The following PHF10 variants were observed in gnomAD, a reference collection of about 807,000 sequenced individuals.
The protein encoded by PHF10 is PHD finger protein 10, also known as BRG1-associated factor 45a.
PHF10 carries 51 observed loss-of-function variants against 68.5 expected under a neutral mutation model. The ratio of observed to expected loss-of-function variants is 0.74; its 90% CI spans 0.59 to 0.94. The LOEUF (loss-of-function observed/expected upper bound fraction) is 0.94. Among genes scored for constraint, PHF10 ranks in the 40% least tolerant of loss-of-function variants. The pLI is 0.00. For synonymous variants in PHF10, 204 were observed against 203.5 expected, an observed-to-expected ratio of 1.00 and a Z score of -0.02; for missense variants, 460 against 602.6, an observed-to-expected ratio of 0.76 and a Z score of 2.48.
intron 2 of PHF10, among the ~76,000 whole-genome samples, chr6:169,719,668 T>C (rs1308357275): frequency 6.6e-6 from 1 of 152,150 alleles, no homozygotes; most frequent in Non-Finnish European, 1.5e-5. Context: ...GACCTTTACC[T>C]CATATCACAA....
chr6:169,714,117 C>CAAA (rs113850766), intron 7 of PHF10, among the ~76,000 whole-genome samples: 1 of 121,072 alleles, frequency 8.3e-6, no homozygotes. Flanking sequence ...AAGACTGTCT[C>CAAA]AAAAAAAAAA....
Position 169,724,135 on chromosome 6 carries a change from T to G in PHF10, c.-204A>C. The G allele has an allele frequency of 7.3e-6, 1 of 136,654 alleles. No individual in the cohort carries two copies. 8.5% of individuals were successfully genotyped at this position (136,654 alleles called of 1,614,324 possible). ...AGCGCCGCCGCCACCGCCATGGCCG[T>G]CGCCAGCGCGCCGCCCGCGCGGGAG... On this transcript the variant is annotated 5_prime_UTR_variant, in exon 1 of 12. Transcript: ENST00000339209.
chr6:169,722,102 C>G (rs1180371067), intron 1 of PHF10, among the ~76,000 whole-genome samples: 1 of 152,086 alleles, frequency 6.6e-6, no homozygotes, highest in African/African-American at 2.4e-5. Context: ...AATGATTAAA[C>G]GAGCTACTAT....
intron 5 of PHF10, 23 bp from the exon 6 acceptor site, chr6:169,715,880 G>A: frequency 6.2e-7 from 1 of 1,603,504 alleles, no homozygotes; most frequent in Non-Finnish European, 8.5e-7. Flanking sequence ...AATACAGTTG[G>A]AAGTCACATA....
In PHF10 at chr6:169,705,334, C is replaced by T; in HGVS notation, c.1223-13G>A. 1 of 1,584,844 alleles carries T rather than the reference C, an allele frequency of 6.3e-7. No homozygotes were observed. Among genetic ancestry groups the T allele is most frequent in the Non-Finnish European group, 8.6e-7 (1 of 1,160,620 alleles). On this transcript the variant is annotated splice_polypyrimidine_tract_variant and intron_variant, in intron 10 of 11. Transcript: ENST00000339209. ...CAAGAAGGATGGCCTAAATCAAAAC[C>T]AGTATTAGTGGTATCTCACATAAGA...
chr6:169,717,843 GTAA>G lies in PHF10; in HGVS notation c.386_388del (p.Ile129del). On this transcript the variant is annotated inframe_deletion, in exon 4 of 12. Coordinates refer to ENST00000339209, the MANE Select transcript of PHF10 (RefSeq NM_018288.4). ...CTTACCTAGAGTGCACTGAGTTTCA[GTAA>G]TGACATTTAGCTCTCTCAGGTAGAG... 6.5e-7 allele frequency: 1 copy of G among 1,534,124 alleles called. No homozygotes were observed. Among genetic ancestry groups the G allele is most frequent in the Non-Finnish European group, 9.0e-7 (1 of 1,113,470 alleles).
chr6:169,705,696 C>G lies in PHF10; in HGVS notation c.1142G>C (p.Gly381Ala). The change falls in exon 10 of 12, where the codon GGA becomes GCA. Residue 381 changes from glycine to alanine, a missense_variant. By Grantham distance (60) the Gly-to-Ala change is moderately conservative. Transcript: ENST00000339209. ...KPKVIPNAIC[G>A]ICLKGKESNK... is the part of the protein sequence containing the mutation. ...GGACTCCTTACCCTTCAGACAAATT[C>G]CACATATAGCATTTGGAATGACCTT... The G allele has an allele frequency of 6.3e-7, 1 of 1,584,856 alleles. No individual in the cohort carries two copies. The highest frequency in any genetic ancestry group is 8.7e-7 in the Non-Finnish European group (1 of 1,153,476).
chr6:169,718,065 A>C (rs1789093046), intron 3 of PHF10, among the ~76,000 whole-genome samples, 159 bp from the exon 4 acceptor site: 1 of 152,200 alleles, frequency 6.6e-6, no homozygotes, highest in Non-Finnish European at 1.5e-5. Flanking sequence ...TCAAGAAATA[A>C]AACTCAGCAA....
chr6:169,716,025 T>C lies in PHF10; in HGVS notation c.473A>G (p.His158Arg). ...TTGTAGAATAACAGAATACTCAGCA[T>C]GTTTGGCTGGATATTCTTTTATCAT... ...DLMIKEYPAK[H>R]AEYSVILQEK... Residue 158 changes from histidine (H) to arginine (R), a missense_variant, in exon 5 of 12, where the codon CAT (histidine) becomes CGT (arginine). Around this residue, in one of 3 missense-constraint regions of PHF10, gnomAD observed 256 missense variants for 410.5 expected, o/e 0.62. Transcript: ENST00000339209. The C allele has an allele frequency of 1.2e-6, 2 of 1,610,044 alleles. No individual in the cohort carries two copies. Among genetic ancestry groups the C allele is most frequent in the Non-Finnish European group, 1.7e-6 (2 of 1,176,834 alleles).
chr6:169,718,078 T>C (rs1182638683), intron 3 of PHF10, among the ~76,000 whole-genome samples, 172 bp from the exon 4 acceptor site: 1 of 152,124 alleles, frequency 6.6e-6, no homozygotes, highest in African/African-American at 2.4e-5. Flanking sequence ...CTCAGCAAGA[T>C]ACAAAAGTTA....
chr6:169,720,640 C>A (rs932630026), intron 2 of PHF10, among the ~76,000 whole-genome samples: 5 of 151,890 alleles, frequency 3.3e-5, no homozygotes, highest in African/African-American at 1.2e-4. Context: ...GGTTGCAAGG[C>A]GCTAAATAGA....
intron 6 of PHF10, 108 bp from the exon 7 acceptor site, chr6:169,714,950 G>A (rs1367221442): frequency 1.6e-5 from 11 of 682,688 alleles, no homozygotes; most frequent in Non-Finnish European, 2.4e-5. Flanking sequence ...CCCTCGAAAA[G>A]CTAAAATTTT....
intron 9 of PHF10, chr6:169,709,055 T>C (rs1340768615): frequency 6.6e-6 from 1 of 152,164 alleles, no homozygotes; most frequent in Non-Finnish European, 1.5e-5. Flanking sequence ...AGCTTAAAAT[T>C]TGCTTGCTAT....
chr6:169,704,671 C>G (rs1327000370), intron 11 of PHF10: 1 of 169,432 alleles, frequency 5.9e-6, no homozygotes, highest in Non-Finnish European at 1.4e-5. Context: ...TCTAAAATTA[C>G]ACAATTATCT....
In PHF10 at chr6:169,715,646, G is replaced by A; in HGVS notation, c.693+62C>T. 3 of 1,324,838 alleles carry A rather than the reference G, an allele frequency of 2.3e-6. No individual in the cohort carries two copies. In the Admixed American group the frequency reaches 5.4e-5, roughly 24 times the overall value. The allele number at this position is 1,324,838 out of a possible 1,614,324, so 82.1% of individuals were successfully genotyped here. A position where few individuals can be genotyped will look rare whatever the true frequency, so the allele number is the denominator to read the frequency against. Reference sequence around the variant, plus strand: ...AAAAATAACGATAAAGGGGGTGATGGGCACTCTGCAATAACAAGTAATAAA... The same window carrying A: ...AAAAATAACGATAAAGGGGGTGATGAGCACTCTGCAATAACAAGTAATAAA... On this transcript the variant is annotated intron_variant, in intron 6 of 11. Coordinates refer to ENST00000339209, the MANE Select transcript of PHF10 (RefSeq NM_018288.4).
chr6:169,704,808 A>T (rs1010434466), intron 11 of PHF10: 1 of 213,952 alleles, frequency 4.7e-6, no homozygotes, highest in Non-Finnish European at 1.0e-5. Flanking sequence ...AAGACGTAGC[A>T]GTCATTTTGT....
chr6:169,703,966 C>G lies in PHF10; in HGVS notation c.*37G>C. Reference sequence around the variant, plus strand: ...GTTGTAAATGGCACCAAATATTCCACTTAAATGCATATACAGTATTAGAGT... The same window carrying G: ...GTTGTAAATGGCACCAAATATTCCAGTTAAATGCATATACAGTATTAGAGT... On this transcript the variant is annotated 3_prime_UTR_variant, in exon 12 of 12. Coordinates refer to ENST00000339209, the MANE Select transcript of PHF10 (RefSeq NM_018288.4). 6.9e-7 allele frequency: 1 copy of G among 1,442,920 alleles called. No homozygotes were observed. The highest frequency in any genetic ancestry group is 9.4e-7 in the Non-Finnish European group (1 of 1,066,146). 89.4% of individuals were successfully genotyped at this position (1,442,920 alleles called of 1,614,324 possible).
chr6:169,710,772 G>A (rs1788910935), intron 8 of PHF10, among the ~76,000 whole-genome samples: 1 of 151,736 alleles, frequency 6.6e-6, no homozygotes, highest in Non-Finnish European at 1.5e-5. Flanking sequence ...AATAAGTGTG[G>A]GTATTTTCAC....
chr6:169,714,826 T>C lies in PHF10; in HGVS notation c.710A>G (p.Gln237Arg), dbSNP rs554186090. The C allele has an allele frequency of 3.2e-6, 5 of 1,558,084 alleles. No individual in the cohort carries two copies. Among genetic ancestry groups the C allele is most frequent in the Non-Finnish European group, 4.4e-6 (5 of 1,129,198 alleles). Residue 237 changes from glutamine (Q) to arginine (R), a missense_variant, in exon 7 of 12, where the codon CAA (glutamine) becomes CGA (arginine). By Grantham distance (43) the Gln-to-Arg change is conservative. Around this residue, in one of 3 missense-constraint regions of PHF10, gnomAD observed 256 missense variants for 410.5 expected, o/e 0.62. Coordinates refer to ENST00000339209, the MANE Select transcript of PHF10 (RefSeq NM_018288.4). ...DLQTHVIQVP[Q>R]GKYKVLPTER... ...TGTTGGCAAAACTTTGTACTTCCCT[T>C]GAGGTACCTGGATAACCTACGTTAA...
Sources: allele counts gnomAD v4.1 joint callset (sites outside exome capture counted in the v4.1 genomes callset), GRCh38; gene constraint gnomAD v4.1.1; regional missense constraint gnomAD v4.1.1; transcripts MANE v1.5; gene names NCBI Gene and HGNC (gene_info 2026-07-23, HGNC 2026-07-21).